THSD4: variants seen among roughly 807,000 people sequenced by gnomAD.
THSD4 encodes the protein thrombospondin type-1 domain-containing protein 4.
In THSD4, 69 loss-of-function variants were observed where a neutral mutation model predicts 119.0. That is an observed-to-expected ratio of 0.58 (90% CI 0.48 to 0.71). The LOEUF is 0.71. THSD4 is among the 30% of genes least tolerant of loss of function. The probability of loss-of-function intolerance (pLI) is 0.00; values close to 1 mark genes in which losing one functional copy is unlikely to be tolerated. For synonymous variants in THSD4, 524 were observed against 540.4 expected (o/e 0.97, Z 0.42); for missense variants, 1,393 against 1,391.1 (o/e 1.00, Z -0.02).
chr15:71,647,635 T>C (rs976940902), intron 7 of THSD4, among the ~76,000 whole-genome samples: 1 of 152,204 alleles, frequency 6.6e-6, no homozygotes, highest in Non-Finnish European at 1.5e-5. Flanking sequence ...ATGTTTTTCA[T>C]TGAGTTATAA....
chr15:71,115,729 GCGCGCCGCC>G lies in THSD4; in HGVS notation c.-80+37_-80+45del, dbSNP rs1411188663. 1 of 147,742 alleles carries G rather than the reference GCGCGCCGCC, an allele frequency of 6.8e-6. No homozygotes were observed. Among genetic ancestry groups the G allele is most frequent in the African/African-American group, 2.4e-5 (1 of 41,004 alleles). The allele number at this position is 147,742 out of a possible 1,614,324, so 9.2% of individuals were successfully genotyped here. The stretch of plus-strand genomic sequence containing the variant: ...CAGAGCCGCGCGCCCCGCGTCCCCT[GCGCGCCGCC>G]CGCGCGGCCCCGACCCGGCTTCCGC... On this transcript the variant is annotated intron_variant, in intron 1 of 17. Transcript: ENST00000261862. The surrounding 1 kb of genome is among the most constrained non-coding windows in gnomAD (Gnocchi z 4.4).
At chr15:71,722,909 G>C (rs995605073) in intron 8 of THSD4, among the ~76,000 whole-genome samples, 1 of 152,086 alleles carries the variant, frequency 6.6e-6, no homozygotes, top group Non-Finnish European at 1.5e-5. Context: ...CAAACACACT[G>C]TTCTGAATTT....
At chr15:71,293,272 T>A (rs777757764) in intron 6 of THSD4, among the ~76,000 whole-genome samples, 36 of 152,280 alleles carry the variant, frequency 2.4e-4, no homozygotes, top group Non-Finnish European at 3.2e-4. Flanking sequence ...ACAACTGTCA[T>A]TATGTAGATG....
intron 7 of THSD4, among the ~76,000 whole-genome samples, chr15:71,563,801 T>A (rs1249769911): frequency 1.3e-5 from 2 of 152,132 alleles, no homozygotes; most frequent in African/African-American, 4.8e-5. Context: ...TGCTCCCATC[T>A]CCTTTAAGTA....
At chr15:71,229,850 TTATAA>T (rs1002056485) in intron 4 of THSD4, among the ~76,000 whole-genome samples, 1 of 152,172 alleles carries the variant, frequency 6.6e-6, no homozygotes, top group South Asian at 2.1e-4. Flanking sequence ...TGCTTCATAC[TTATAA>T]TAAAGAAAGA....
intron 6 of THSD4, among the ~76,000 whole-genome samples, chr15:71,371,271 C>T (rs530921074): frequency 6.6e-6 from 1 of 152,200 alleles, no homozygotes; most frequent in South Asian, 2.1e-4. Flanking sequence ...GCATTTAGCC[C>T]ATTTACATTT....
intron 14 of THSD4, among the ~76,000 whole-genome samples, chr15:71,755,900 G>C (rs1024364061): frequency 1.3e-5 from 2 of 152,280 alleles, no homozygotes; most frequent in African/African-American, 4.8e-5. Flanking sequence ...GATCTGTCCA[G>C]TGAAGGGAAA....
chr15:71,285,354 G>A (rs1202490958), intron 6 of THSD4, among the ~76,000 whole-genome samples: 1 of 152,114 alleles, frequency 6.6e-6, no homozygotes, highest in African/African-American at 2.4e-5. Context: ...GTTGTTTGGT[G>A]GTATTATTGA....
At chr15:71,702,985 CT>C (rs549195427) in intron 8 of THSD4, among the ~76,000 whole-genome samples, 1,831 of 144,304 alleles carry the variant, frequency 0.013, 14 homozygotes, top group African/African-American at 0.032. Flanking sequence ...GACCCCTGCT[CT>C]TTTTTTTTTT....
rs762809843 is a variant in THSD4 at position 71,737,815 on chromosome 15, G to C, written c.1714G>C (p.Asp572His). 5.6e-6 allele frequency: 9 copies of C among 1,614,258 alleles called. No individual in the cohort carries two copies. The South Asian group carries it at 8.8e-5, about 16-fold the overall frequency. Residue 572 changes from aspartate to histidine, a missense_variant, in exon 11 of 18, where the codon GAC becomes CAC. By Grantham distance (81) the Asp-to-His change is moderately conservative. Coordinates refer to ENST00000261862, the MANE Select transcript of THSD4 (RefSeq NM_024817.3). ...GAAAGGGAGGAACGAGGAGAAGGAAGACTTGCGTGGGGAGGCCCCTGAGAT... is the reference window on the plus strand; with the variant it reads ...GAAAGGGAGGAACGAGGAGAAGGAACACTTGCGTGGGGAGGCCCCTGAGAT... ...EQKGRNEEKE[D>H]LRGEAPEMFT... is the part of the protein sequence containing the mutation.
Position 71,135,262 on chromosome 15 carries a change from A to G in THSD4, c.-79-6187A>G, listed in dbSNP as rs185246859. Among the ~76,000 whole-genome samples, 1,023 of 149,198 alleles carry G rather than the reference A, an allele frequency of 6.9e-3. 13 individuals are homozygous for G. Among genetic ancestry groups the G allele is most frequent in the African/African-American group, 0.024 (986 of 40,294 alleles). ...GGGGTAGCATTGGGAGATATACCTA[A>G]TGCTAGATGACGAGTTGGTGCAGCG... On this transcript the variant is annotated intron_variant, in intron 1 of 17. Transcript: ENST00000261862.
chr15:71,299,277 C>G (rs1271103134), intron 6 of THSD4, among the ~76,000 whole-genome samples: 1 of 152,194 alleles, frequency 6.6e-6, no homozygotes, highest in Non-Finnish European at 1.5e-5. Flanking sequence ...ACTATTTACA[C>G]TGTTTAGAGA....
At chr15:71,415,109 C>T (rs1297620959) in intron 7 of THSD4, among the ~76,000 whole-genome samples, 3 of 152,190 alleles carry the variant, frequency 2.0e-5, no homozygotes, top group Non-Finnish European at 2.9e-5. Context: ...CTAAGATGTG[C>T]GTCTGCATCT....
chr15:71,337,443 C>G (rs1009400710), intron 6 of THSD4, among the ~76,000 whole-genome samples: 2 of 152,212 alleles, frequency 1.3e-5, no homozygotes, highest in African/African-American at 2.4e-5. Context: ...GGAGAAAAAC[C>G]GCAAATACTT....
intron 3 of THSD4, chr15:71,185,487 G>A (rs2043590050): frequency 6.6e-6 from 1 of 151,720 alleles, no homozygotes; most frequent in Non-Finnish European, 1.5e-5. Flanking sequence ...TATTACAACC[G>A]TGGCTTTGAG....
Position 71,430,868 on chromosome 15 carries a change from T to C in THSD4, c.1152+19045T>C, listed in dbSNP as rs193119897. Among the ~76,000 whole-genome samples the C allele has an allele frequency of 1.8e-3, 269 of 152,228 alleles. 1 individual carries two copies. The highest frequency in any genetic ancestry group is 3.3e-3 in the Non-Finnish European group (225 of 67,998). ...AGGCCAGTTTTTCCCAGGGCTTCTATTGGCTTCATAATGTCAGCCTCCGTT... is the reference window on the plus strand; with the variant it reads ...AGGCCAGTTTTTCCCAGGGCTTCTACTGGCTTCATAATGTCAGCCTCCGTT... On this transcript the variant is annotated intron_variant, in intron 7 of 17. Transcript: ENST00000261862.
intron 3 of THSD4, among the ~76,000 whole-genome samples, chr15:71,182,725 G>A (rs1241335463): frequency 6.6e-6 from 1 of 151,622 alleles, no homozygotes; most frequent in Non-Finnish European, 1.5e-5. Context: ...CACTGTCTTT[G>A]TATGTTAGTG....
rs189975162 is a variant in THSD4, at chr15:71,632,982, C to T, written c.1153-27548C>T. Among the ~76,000 whole-genome samples the T allele has an allele frequency of 1.4e-3, 216 of 152,314 alleles. 4 individuals carry two copies. Among genetic ancestry groups the T allele is most frequent in the Admixed American group, 0.014 (214 of 15,304 alleles). The stretch of plus-strand genomic sequence containing the variant: ...CTTGTTAAAGGCAGTTATTTTATTA[C>T]AGGCCTCCCAAGTTTGGCAGCTTAC... On this transcript the variant is annotated intron_variant, in intron 7 of 17. Coordinates refer to ENST00000261862, the MANE Select transcript of THSD4 (RefSeq NM_024817.3).
intron 7 of THSD4, among the ~76,000 whole-genome samples, chr15:71,536,313 T>C (rs2048688442): frequency 1.3e-5 from 2 of 152,200 alleles, no homozygotes; most frequent in Non-Finnish European, 2.9e-5. Flanking sequence ...CCCTTCATCT[T>C]CAAAGCCTGC....
Sources: gnomAD v4.1 joint callset for allele counts (sites outside exome capture counted in the v4.1 genomes callset) on GRCh38, gnomAD v4.1.1 for gene constraint, Gnocchi (gnomAD v3.1) non-coding constraint, MANE v1.5 for transcripts, NCBI Gene and HGNC (gene_info 2026-07-23, HGNC 2026-07-21) for gene names.